The following FHIP1A variants were observed in gnomAD, a reference collection of about 807,000 sequenced individuals.
FHIP1A encodes the protein FHF complex subunit HOOK-interacting protein 1A.
In FHIP1A, 61 loss-of-function variants were observed where a neutral mutation model predicts 88.6. That is an observed-to-expected ratio of 0.69 (90% CI 0.56 to 0.85). The LOEUF is 0.85. Ranked by LOEUF, FHIP1A falls within the 40% of genes least tolerant of loss-of-function variation. The pLI, the probability that FHIP1A is intolerant of heterozygous loss-of-function variation, is 0.00. For synonymous variants in FHIP1A, 478 were observed against 496.0 expected (o/e 0.96, Z 0.48); for missense variants, 1,154 against 1,273.5 (o/e 0.91, Z 1.43).
chr4:151,666,870 T>G lies in FHIP1A; in HGVS notation c.*4116T>G, dbSNP rs1053739277. 6.6e-6 allele frequency among the ~76,000 whole-genome samples: 1 copy of G among 152,150 alleles called. No homozygotes were observed. The highest frequency in any genetic ancestry group is 1.5e-5 in the Non-Finnish European group (1 of 68,038). On this transcript the variant is annotated 3_prime_UTR_variant, in exon 14 of 14. Coordinates refer to ENST00000435205, the MANE Select transcript of FHIP1A (RefSeq NM_001109977.3). ...TACAGTTTTCACTTGACATAATAGT[T>G]TTGGTAAACTGTCTTTATCTGGCTG...
intron 7 of FHIP1A, among the ~76,000 whole-genome samples, chr4:151,602,271 TATC>T (rs1734902540): frequency 1.3e-5 from 2 of 152,198 alleles, no homozygotes; most frequent in African/African-American, 2.4e-5. Flanking sequence ...GCAAAGGTAT[TATC>T]ATAACTATTG....
At chr4:151,413,129 G>A (rs1732743928) in intron 1 of FHIP1A, among the ~76,000 whole-genome samples, 1 of 152,212 alleles carries the variant, frequency 6.6e-6, no homozygotes, top group African/African-American at 2.4e-5. Flanking sequence ...CAACAGTATA[G>A]CTGTGCAATA....
intron 3 of FHIP1A, among the ~76,000 whole-genome samples, chr4:151,512,156 C>CT (rs1731059034): frequency 6.6e-6 from 1 of 152,242 alleles, no homozygotes; most frequent in Non-Finnish European, 1.5e-5. Flanking sequence ...GCAGCCACCA[C>CT]TGCTGGTACC....
intron 4 of FHIP1A, among the ~76,000 whole-genome samples, chr4:151,576,502 C>T (rs1031910994): frequency 1.3e-5 from 2 of 152,086 alleles, no homozygotes; most frequent in African/African-American, 4.8e-5. Context: ...TAGGGTCTCA[C>T]TATTTTGCTC....
intron 1 of FHIP1A, among the ~76,000 whole-genome samples, chr4:151,417,134 A>G (rs1732926058): frequency 6.6e-6 from 1 of 152,194 alleles, no homozygotes; most frequent in African/African-American, 2.4e-5. Flanking sequence ...GCAAGGAAAG[A>G]ATGAAGCAAC....
intron 1 of FHIP1A, among the ~76,000 whole-genome samples, chr4:151,448,877 G>A (rs548261968): frequency 6.6e-6 from 1 of 152,216 alleles, no homozygotes; most frequent in African/African-American, 2.4e-5. Flanking sequence ...TTGAGGAACT[G>A]CCATACTGTT....
intron 3 of FHIP1A, among the ~76,000 whole-genome samples, chr4:151,520,936 G>T (rs1731423168): frequency 1.3e-5 from 2 of 152,178 alleles, no homozygotes; most frequent in African/African-American, 4.8e-5. Context: ...CATGCATGTT[G>T]CAAGATTGAA....
intron 3 of FHIP1A, among the ~76,000 whole-genome samples, chr4:151,527,479 G>T (rs955951551): frequency 6.6e-6 from 1 of 152,144 alleles, no homozygotes; most frequent in Non-Finnish European, 1.5e-5. Flanking sequence ...CAGCAGTACC[G>T]TCCAGCTTCG....
chr4:151,539,662 A>G (rs1732203437), intron 3 of FHIP1A, among the ~76,000 whole-genome samples: 1 of 151,404 alleles, frequency 6.6e-6, no homozygotes, highest in Non-Finnish European at 1.5e-5. Context: ...TGGAAAGTAC[A>G]TTGACTCTCA....
rs568492328 is a variant in FHIP1A at position 151,560,457 on chromosome 4, A to G, written c.-122-5681A>G. ...AGGAACATTTTTTGAATATAACTTT[A>G]TGAAGTGAGAGGGTTCTTCTTAGAA... On this transcript the variant is annotated intron_variant, in intron 3 of 13. Transcript: ENST00000435205. 1.7e-4 allele frequency among the ~76,000 whole-genome samples: 26 copies of G among 152,288 alleles called. 1 individual carries two copies. Among genetic ancestry groups the G allele is most frequent in the Admixed American group, 1.3e-4 (2 of 15,290 alleles).
chr4:151,555,817 T>G (rs1488013657), intron 3 of FHIP1A, among the ~76,000 whole-genome samples: 1 of 152,262 alleles, frequency 6.6e-6, no homozygotes, highest in African/African-American at 2.4e-5. Context: ...GCTAGTAATT[T>G]TGATCAAATC....
chr4:151,611,581 C>G (rs534403137), intron 7 of FHIP1A, among the ~76,000 whole-genome samples: 2 of 152,158 alleles, frequency 1.3e-5, no homozygotes, highest in Admixed American at 6.5e-5. Context: ...ATCAAGACAT[C>G]AAACTTTCTG....
chr4:151,635,427 T>G (rs1183809684), intron 8 of FHIP1A, among the ~76,000 whole-genome samples: 5 of 151,944 alleles, frequency 3.3e-5, no homozygotes, highest in Non-Finnish European at 2.9e-5. Flanking sequence ...TGTACACCCA[T>G]GTTCATTGCA....
At position 151,588,827 on chromosome 4, in the gene FHIP1A, G is replaced by T. The variant is rs1490763790; in HGVS notation, c.892-13G>T. The T allele has an allele frequency of 2.6e-6, 4 of 1,517,054 alleles. No homozygotes were observed. The highest frequency in any genetic ancestry group is 2.8e-5 in the African/African-American group (2 of 72,394). The allele number at this position is 1,517,054 out of a possible 1,614,324, so 94.0% of individuals were successfully genotyped here. A position where few individuals can be genotyped will look rare whatever the true frequency, so the allele number is the denominator to read the frequency against. ...CTCTTTGCCTTTTTCATGCCTATGT[G>T]CCTCTCTCTCAGGTGGCTCACCCCT... is the stretch of plus-strand genomic sequence containing the variant. On this transcript the variant is annotated splice_polypyrimidine_tract_variant and intron_variant, in intron 6 of 13. Coordinates refer to ENST00000435205, the MANE Select transcript of FHIP1A (RefSeq NM_001109977.3).
chr4:151,487,463 C>G (rs1730129203), intron 3 of FHIP1A, among the ~76,000 whole-genome samples: 1 of 152,158 alleles, frequency 6.6e-6, no homozygotes, highest in South Asian at 2.1e-4. Flanking sequence ...TTAGCGTCCA[C>G]TTTATAAAGT....
intron 2 of FHIP1A, among the ~76,000 whole-genome samples, chr4:151,460,342 A>G (rs1729105227): frequency 6.6e-6 from 1 of 152,208 alleles, no homozygotes; most frequent in Admixed American, 6.5e-5. Context: ...AGAGCACAAC[A>G]TTTGGGAAAA....
intron 9 of FHIP1A, among the ~76,000 whole-genome samples, chr4:151,644,287 C>A (rs1222196272): frequency 6.6e-6 from 1 of 151,980 alleles, no homozygotes; most frequent in Non-Finnish European, 1.5e-5. Context: ...CCAAACCCCC[C>A]ACCCAACACA....
chr4:151,637,552 G>A (rs1215473433), intron 8 of FHIP1A, among the ~76,000 whole-genome samples: 1 of 152,170 alleles, frequency 6.6e-6, no homozygotes, highest in African/African-American at 2.4e-5. Context: ...ATTTGCAGGG[G>A]TTACTGTGGC....
chr4:151,622,580 G>T (rs570779279), intron 7 of FHIP1A, among the ~76,000 whole-genome samples: 83 of 152,006 alleles, frequency 5.5e-4, no homozygotes, highest in Non-Finnish European at 1.0e-3. Context: ...AAGATTGTTG[G>T]GACTCAAATA....
Sources: allele counts gnomAD v4.1 joint callset (sites outside exome capture counted in the v4.1 genomes callset), GRCh38; gene constraint gnomAD v4.1.1; transcripts MANE v1.5; gene names NCBI Gene and HGNC (gene_info 2026-07-23, HGNC 2026-07-21).